Variants in NLGN4X observed in about 807,000 individuals in gnomAD.
The protein encoded by NLGN4X is neuroligin-4, X-linked.
In NLGN4X, 3 loss-of-function variants were observed where a neutral mutation model predicts 40.3. The ratio of observed to expected loss-of-function variants is 0.07; its 90% confidence interval spans 0.03 to 0.19. The LOEUF is 0.19. Ranked by LOEUF, NLGN4X falls within the 10% of genes least tolerant of loss-of-function variation. The pLI is 1.00. For missense variants in NLGN4X, 382 were observed against 708.3 expected, an observed-to-expected ratio of 0.54 and a Z score of 5.23; for synonymous variants, 270 against 306.8, an observed-to-expected ratio of 0.88 and a Z score of 1.25.
At chrX:6,013,402 T>TA (rs71977874) in intron 3 of NLGN4X, among the ~76,000 whole-genome samples, 31,032 of 96,163 alleles carry the variant, frequency 0.32, 4,519 homozygotes, top group East Asian at 0.59. Flanking sequence ...TCACTCAAAC[T>TA]AAAAAAAAAA....
At chrX:6,064,467 C>T (rs1433826288) in intron 2 of NLGN4X, among the ~76,000 whole-genome samples, 1 of 111,674 alleles carries the variant, frequency 9.0e-6, no homozygotes, top group Non-Finnish European at 1.9e-5. Flanking sequence ...TTGTGAAAAA[C>T]ACATTTACAA....
At chrX:6,166,983 G>A (rs1191587947) in intron 1 of NLGN4X, among the ~76,000 whole-genome samples, 3 of 105,515 alleles carry the variant, frequency 2.8e-5, no homozygotes, top group Non-Finnish European at 5.8e-5. Context: ...GAGGTGGGAG[G>A]ATGGCTTGAG....
At chrX:6,019,330 G>A (rs2036474837) in intron 3 of NLGN4X, among the ~76,000 whole-genome samples, 2 of 111,839 alleles carry the variant, frequency 1.8e-5, no homozygotes, top group African/African-American at 3.2e-5. Flanking sequence ...AAAAGCTGCA[G>A]GCCAGAATAT....
At chrX:6,008,686 T>A (rs1441714485) in intron 3 of NLGN4X, among the ~76,000 whole-genome samples, 1 of 112,029 alleles carries the variant, frequency 8.9e-6, no homozygotes, top group African/African-American at 3.2e-5. Flanking sequence ...TACTGTGATA[T>A]AGAGAATATG....
chrX:6,118,660 C>T (rs2039354579), intron 2 of NLGN4X, among the ~76,000 whole-genome samples: 1 of 111,888 alleles, frequency 8.9e-6, no homozygotes, highest in African/African-American at 3.2e-5. Context: ...AATATACCCA[C>T]AGATCCTTAG....
intron 3 of NLGN4X, among the ~76,000 whole-genome samples, chrX:5,956,036 C>T (rs900297599): frequency 1.2e-4 from 13 of 109,633 alleles, no homozygotes; most frequent in Non-Finnish European, 1.9e-4. Flanking sequence ...TGTCAATATG[C>T]ACCCTTTCCT....
intron 2 of NLGN4X, among the ~76,000 whole-genome samples, chrX:6,075,912 A>T (rs1351770850): frequency 1.8e-5 from 2 of 111,670 alleles, no homozygotes; most frequent in Non-Finnish European, 3.8e-5. Flanking sequence ...TGCAAAACTA[A>T]ATGGACTAAG....
chrX:5,909,752 C>T (rs756850031), intron 3 of NLGN4X, among the ~76,000 whole-genome samples: 9 of 110,777 alleles, frequency 8.1e-5, no homozygotes, highest in Non-Finnish European at 1.3e-4. Flanking sequence ...TAGTTATTAA[C>T]ATTTTGTTTT....
chrX:6,123,751 GA>G (rs199947451), intron 2 of NLGN4X, among the ~76,000 whole-genome samples: 2 of 87,260 alleles, frequency 2.3e-5, no homozygotes, highest in African/African-American at 8.4e-5. Context: ...CAACTATAAG[GA>G]AAAAAAAACA....
At chrX:5,903,046 T>C (rs2031966449) in intron 5 of NLGN4X, 31 bp downstream of exon 5, 11 of 1,206,721 alleles carry the variant, frequency 9.1e-6, no homozygotes, top group East Asian at 8.9e-5. Flanking sequence ...GTGGCAAGGA[T>C]AGTGATACCC....
chrX:6,179,880 A>G (rs148730446), intron 1 of NLGN4X, among the ~76,000 whole-genome samples: 1,357 of 111,872 alleles, frequency 0.012, 28 homozygotes, highest in African/African-American at 0.041. Flanking sequence ...GGGGGATGCC[A>G]TAGCTTCTGT....
In NLGN4X at chrX:6,092,007, TCCTC is replaced by T. The variant is rs780853909; in HGVS notation, c.472+58984_472+58987del. 1.2e-4 allele frequency among the ~76,000 whole-genome samples: 13 copies of T among 106,032 alleles called. No homozygotes were observed. In the South Asian group the frequency reaches 1.8e-3, roughly 15 times the overall value. The allele number at this position is 106,032 out of a possible 115,157, so 92.1% of individuals were successfully genotyped here. The stretch of plus-strand genomic sequence containing the variant: ...TTTCTTCCTTTCTTTCTTCCCCCCT[TCCTC>T]CCTCCCTCCCTCCCTCATTCCTTCC... On this transcript the variant is annotated intron_variant, in intron 2 of 5. Transcript: ENST00000381095.
intron 1 of NLGN4X, among the ~76,000 whole-genome samples, chrX:6,159,986 G>A (rs2040350589): frequency 9.0e-6 from 1 of 111,017 alleles, no homozygotes; most frequent in South Asian, 3.8e-4. Context: ...TAGAATGATG[G>A]CTACCAGAGG....
intron 3 of NLGN4X, among the ~76,000 whole-genome samples, chrX:5,927,532 GT>G (rs1468074791): frequency 8.9e-6 from 1 of 112,286 alleles, no homozygotes; most frequent in Non-Finnish European, 1.9e-5. Flanking sequence ...TCTTGCCTAG[GT>G]CCTCATAAAA....
At chrX:6,173,995 T>A (rs930153715) in intron 1 of NLGN4X, among the ~76,000 whole-genome samples, 1 of 110,563 alleles carries the variant, frequency 9.0e-6, no homozygotes, top group Non-Finnish European at 1.9e-5. Flanking sequence ...GAGGTAGAGG[T>A]TGCAGTGAGC....
intron 2 of NLGN4X, among the ~76,000 whole-genome samples, chrX:6,136,012 G>T (rs2039811338): frequency 8.9e-6 from 1 of 112,196 alleles, no homozygotes; most frequent in South Asian, 3.6e-4. Context: ...CCCTCCAATG[G>T]AGACATAATA....
chrX:5,966,934 T>A (rs776268301), intron 3 of NLGN4X, among the ~76,000 whole-genome samples: 2 of 112,343 alleles, frequency 1.8e-5, no homozygotes, highest in Non-Finnish European at 3.8e-5. Context: ...AGATAGTAGA[T>A]GACAACTCTG....
At chrX:5,967,436 C>G (rs1348320658) in intron 3 of NLGN4X, among the ~76,000 whole-genome samples, 1 of 111,422 alleles carries the variant, frequency 9.0e-6, no homozygotes, top group South Asian at 3.8e-4. Flanking sequence ...TTCTCTCTGT[C>G]TTGGCCCTGT....
intron 4 of NLGN4X, among the ~76,000 whole-genome samples, chrX:5,907,630 C>A (rs981090792): frequency 9.0e-6 from 1 of 111,150 alleles, no homozygotes; most frequent in Non-Finnish European, 1.9e-5. Flanking sequence ...CTCCACTTTG[C>A]CAACATCAGC....
Sources: allele counts gnomAD v4.1 joint callset (sites outside exome capture counted in the v4.1 genomes callset), GRCh38; gene constraint gnomAD v4.1.1; transcripts MANE v1.5; gene names NCBI Gene and HGNC (gene_info 2026-07-23, HGNC 2026-07-21).